Variants in ZNF469 observed in about 807,000 individuals in gnomAD.
ZNF469 encodes the protein zinc finger protein 469.
ZNF469 carries 1 observed loss-of-function variant against 1.0 expected under a neutral mutation model. The ratio of observed to expected loss-of-function variants is 1.00; its 90% confidence interval spans 0.35 to 4.73. ZNF469 has a LOEUF of 4.73. ZNF469 is among the 30% of genes most tolerant of loss of function. The probability of loss-of-function intolerance (pLI) is 0.16; values close to 1 mark genes in which losing one functional copy is unlikely to be tolerated. For missense variants in ZNF469, 6,100 were observed against 5,356.3 expected (o/e 1.14, Z -4.33); for synonymous variants, 2,703 against 2,363.4 (o/e 1.14, Z -4.17).
the ZNF469 span, among the ~76,000 whole-genome samples, chr16:88,122,501 C>T: frequency 4.6e-5 from 7 of 150,808 alleles, no homozygotes; most frequent in East Asian, 2.0e-4. Context: ...ATGGCCACGG[C>T]GGCCACTCAG....
Position 88,434,936 on chromosome 16 carries a change from G to C in ZNF469, c.7466G>C (p.Arg2489Pro), listed in dbSNP as rs547492890. The change falls in exon 3 of 3, where the codon CGG (arginine) becomes CCG (proline). Residue 2489 changes from arginine (R) to proline (P), a missense_variant. Physicochemically the swap from Arg to Pro is moderately radical, Grantham distance 103. Coordinates refer to ENST00000565624, the MANE Select transcript of ZNF469 (RefSeq NM_001367624.2). ...TTCCGCTCCGGGCCGGGCCTGAGCC[G>C]GCACAAGGCCAGGAAGCACCGGCCA... is the stretch of plus-strand genomic sequence containing the variant. ...ASFRSGPGLS[R>P]HKARKHRPHP... 2 of 1,550,110 alleles carry C rather than the reference G, an allele frequency of 1.3e-6. No homozygotes were observed. Among genetic ancestry groups the C allele is most frequent in the South Asian group, 1.2e-5 (1 of 84,056 alleles).
At chr16:88,223,705 G>C in the ZNF469 span, among the ~76,000 whole-genome samples, 1 of 152,254 alleles carries the variant, frequency 6.6e-6, no homozygotes, top group Non-Finnish European at 1.5e-5. Flanking sequence ...CAGGAGCAAA[G>C]ACTGGCTGGG....
the ZNF469 span, among the ~76,000 whole-genome samples, chr16:88,119,704 G>A: frequency 4.7e-4 from 72 of 152,320 alleles, no homozygotes; most frequent in African/African-American, 1.7e-3. Flanking sequence ...GGATGTGTGG[G>A]ACTGGGCTGT....
intron 1 of ZNF469, among the ~76,000 whole-genome samples, chr16:88,412,654 C>G (rs1347742042): frequency 6.6e-6 from 1 of 152,150 alleles, no homozygotes; most frequent in African/African-American, 2.4e-5. Flanking sequence ...CTGTCTCACC[C>G]ACAGCGATGT....
chr16:88,416,651 T>G (rs1386838148), intron 1 of ZNF469, among the ~76,000 whole-genome samples: 1 of 151,876 alleles, frequency 6.6e-6, no homozygotes, highest in Non-Finnish European at 1.5e-5. Flanking sequence ...TGGGAAAGAG[T>G]AATGGAAAAT....
In ZNF469 at chr16:88,436,795, A is replaced by C; in HGVS notation, c.9325A>C (p.Lys3109Gln). Residue 3109 changes from lysine to glutamine, a missense_variant, in exon 3 of 3, where the codon AAG becomes CAG. Lys to Gln is a moderately conservative substitution (Grantham distance 53). Transcript: ENST00000565624. ...GGCCCAAGGCAGAGGCCGGCCGGCC[A>C]AGGGCAGGCGGGCCTCCTACAAGTG... is the stretch of plus-strand genomic sequence containing the variant. ...GRAQGRGRPA[K>Q]GRRASYKCKV... The C allele has an allele frequency of 6.5e-7, 1 of 1,543,460 alleles. No individual in the cohort carries two copies. Among genetic ancestry groups the C allele is most frequent in the Non-Finnish European group, 8.7e-7 (1 of 1,146,162 alleles).
the ZNF469 span, among the ~76,000 whole-genome samples, chr16:88,267,712 G>C: frequency 2.1e-4 from 31 of 150,146 alleles, no homozygotes; most frequent in East Asian, 2.1e-3. Context: ...GCACCTGTTG[G>C]GGGATTGACT....
chr16:88,231,877 G>A, the ZNF469 span, among the ~76,000 whole-genome samples: 5 of 152,192 alleles, frequency 3.3e-5, no homozygotes, highest in Non-Finnish European at 5.9e-5. This position sits in a 1 kb window ranked among gnomAD's most constrained non-coding sequence, Gnocchi z 4.5. Context: ...GGGCATCTTT[G>A]GGGGCCATTA....
the ZNF469 span, among the ~76,000 whole-genome samples, chr16:88,167,236 T>A: frequency 2.0e-5 from 3 of 151,906 alleles, no homozygotes; most frequent in Non-Finnish European, 4.4e-5. Flanking sequence ...TAATTTTTGT[T>A]TTTTTAGTAG....
intron 1 of ZNF469, among the ~76,000 whole-genome samples, chr16:88,423,088 T>C (rs1905548964): frequency 8.2e-6 from 1 of 122,494 alleles, no homozygotes; most frequent in South Asian, 2.9e-4. Context: ...AGATGGATGA[T>C]GATGATGATG....
At chr16:88,311,778 G>T in the ZNF469 span, among the ~76,000 whole-genome samples, 2 of 152,184 alleles carry the variant, frequency 1.3e-5, no homozygotes, top group Non-Finnish European at 2.9e-5. Context: ...GATTGAGTTG[G>T]CCAAGTCGTT....
At chr16:88,341,808 G>A in the ZNF469 span, among the ~76,000 whole-genome samples, 5 of 152,182 alleles carry the variant, frequency 3.3e-5, no homozygotes, top group African/African-American at 4.8e-5. Context: ...CCCAGTGGGG[G>A]CTGGGCGGGT....
the ZNF469 span, among the ~76,000 whole-genome samples, chr16:88,347,962 G>A: frequency 6.6e-6 from 1 of 152,232 alleles, no homozygotes; most frequent in Non-Finnish European, 1.5e-5. Flanking sequence ...AGAGAGCTCC[G>A]CCAGGTGTCA....
At chr16:88,280,859 G>A in the ZNF469 span, among the ~76,000 whole-genome samples, 1 of 151,944 alleles carries the variant, frequency 6.6e-6, no homozygotes, top group Non-Finnish European at 1.5e-5. Context: ...TCGGTGCACA[G>A]GTTAGCGCTG....
Position 88,428,453 on chromosome 16 carries a change from C to T in ZNF469, c.983C>T (p.Thr328Ile). The stretch of plus-strand genomic sequence containing the variant: ...ACGGGCCCTGCCTACCCGCTGCCCA[C>T]CCAGCCTGCGCCCTCACCCCTGCCC... ...VGTGPAYPLP[T>I]QPAPSPLPCY... The change falls in exon 3 of 3, where the codon ACC becomes ATC. Residue 328 changes from threonine to isoleucine, a missense_variant. Physicochemically the swap from Thr to Ile is moderately conservative, Grantham distance 89. Coordinates refer to ENST00000565624, the MANE Select transcript of ZNF469 (RefSeq NM_001367624.2). The T allele has an allele frequency of 6.5e-7, 1 of 1,548,614 alleles. No individual in the cohort carries two copies. The highest frequency in any genetic ancestry group is 8.7e-7 in the Non-Finnish European group (1 of 1,146,742).
At chr16:88,227,791 C>T in the ZNF469 span, among the ~76,000 whole-genome samples, 2 of 152,244 alleles carry the variant, frequency 1.3e-5, no homozygotes, top group African/African-American at 2.4e-5. Context: ...GCATCCCCCA[C>T]AGCCCTGAAA....
At chr16:88,145,979 G>A in the ZNF469 span, among the ~76,000 whole-genome samples, 3,349 of 152,352 alleles carry the variant, frequency 0.022, 125 homozygotes, top group African/African-American at 0.077. Flanking sequence ...TCGCAGTCCC[G>A]TGTTGGGAGA....
chr16:88,319,348 G>A, the ZNF469 span, among the ~76,000 whole-genome samples: 36 of 152,150 alleles, frequency 2.4e-4, no homozygotes, highest in Admixed American at 1.5e-3. Flanking sequence ...GGGGCTCCTC[G>A]TCTGCAGGGC....
chr16:88,390,101 G>A (rs1293020498), intron 1 of ZNF469, among the ~76,000 whole-genome samples: 1 of 152,074 alleles, frequency 6.6e-6, no homozygotes, highest in Non-Finnish European at 1.5e-5. Context: ...CAGACTTTCG[G>A]GGGCCACTAG....
Sources: gnomAD v4.1 joint callset for allele counts (sites outside exome capture counted in the v4.1 genomes callset) on GRCh38, gnomAD v4.1.1 for gene constraint, Gnocchi (gnomAD v3.1) non-coding constraint, MANE v1.5 for transcripts, NCBI Gene and HGNC (gene_info 2026-07-23, HGNC 2026-07-21) for gene names.